The following MYT1L variants were observed in gnomAD, a reference collection of about 807,000 sequenced individuals.
MYT1L encodes the protein myelin transcription factor 1 like.
In MYT1L, 12 loss-of-function variants were observed where a neutral mutation model predicts 126.7. The ratio of observed to expected loss-of-function variants is 0.09; its 90% CI spans 0.06 to 0.15. The LOEUF (loss-of-function observed/expected upper bound fraction) is 0.15. Ranked by LOEUF, MYT1L falls within the 10% of genes least tolerant of loss-of-function variation. The pLI is 1.00. For synonymous variants in MYT1L, 541 were observed against 604.2 expected, an observed-to-expected ratio of 0.90 and a Z score of 1.53; for missense variants, 979 against 1,585.2, an observed-to-expected ratio of 0.62 and a Z score of 6.49.
chr2:2,327,736 A>G (rs1297341225), intron 1 of MYT1L, among the ~76,000 whole-genome samples: 1 of 152,226 alleles, frequency 6.6e-6, no homozygotes, highest in Non-Finnish European at 1.5e-5. Flanking sequence ...TAAAAGGGAC[A>G]CCCAGCCAAA....
intron 3 of MYT1L, among the ~76,000 whole-genome samples, chr2:2,084,453 T>C (rs1045108463): frequency 3.9e-5 from 6 of 152,218 alleles, no homozygotes; most frequent in Non-Finnish European, 5.9e-5. Context: ...AGAGCTCCCC[T>C]GCAGGTCCTC....
At chr2:2,159,314 G>A (rs577720864) in intron 3 of MYT1L, among the ~76,000 whole-genome samples, 19 of 152,062 alleles carry the variant, frequency 1.2e-4, no homozygotes, top group East Asian at 5.8e-4. Flanking sequence ...TGGTCTCTTC[G>A]GGGTCCTCAA....
intron 3 of MYT1L, among the ~76,000 whole-genome samples, chr2:2,112,138 G>A (rs949741495): frequency 1.3e-5 from 2 of 152,152 alleles, no homozygotes; most frequent in Admixed American, 6.5e-5. Context: ...GCTCCTCAGC[G>A]TGATTAAGAT....
intron 5 of MYT1L, among the ~76,000 whole-genome samples, chr2:1,995,165 T>A (rs993785759): frequency 6.6e-6 from 1 of 152,212 alleles, no homozygotes; most frequent in Admixed American, 6.5e-5. Flanking sequence ...CTTTCAGGCA[T>A]CTATTTTATC....
At chr2:2,020,658 T>G (rs1446364204) in intron 4 of MYT1L, among the ~76,000 whole-genome samples, 2 of 152,230 alleles carry the variant, frequency 1.3e-5, no homozygotes, top group African/African-American at 4.8e-5. Flanking sequence ...CTGCTGGTCT[T>G]TTGGCTTTGT....
At chr2:2,164,216 T>C (rs2088605884) in intron 3 of MYT1L, among the ~76,000 whole-genome samples, 1 of 152,178 alleles carries the variant, frequency 6.6e-6, no homozygotes, top group African/African-American at 2.4e-5. Context: ...TGTTTTTCAT[T>C]GTGTTTTTTT....
chr2:2,105,442 G>A (rs765989365), intron 3 of MYT1L, among the ~76,000 whole-genome samples: 41 of 152,150 alleles, frequency 2.7e-4, no homozygotes, highest in Non-Finnish European at 4.3e-4. Flanking sequence ...TTATTATTGT[G>A]AACTTTGTAG....
At chr2:2,058,159 G>T (rs1190802901) in intron 3 of MYT1L, among the ~76,000 whole-genome samples, 1 of 152,138 alleles carries the variant, frequency 6.6e-6, no homozygotes, top group South Asian at 2.1e-4. Flanking sequence ...GCTCATCATG[G>T]TTTTAACTGG....
chr2:2,306,894 G>T (rs1237427689), intron 1 of MYT1L, among the ~76,000 whole-genome samples: 1 of 152,104 alleles, frequency 6.6e-6, no homozygotes, highest in Non-Finnish European at 1.5e-5. Flanking sequence ...ATCAATGCAA[G>T]GTAGACAATG....
At chr2:2,156,951 TC>T (rs2086829487) in intron 3 of MYT1L, among the ~76,000 whole-genome samples, 1 of 152,224 alleles carries the variant, frequency 6.6e-6, no homozygotes, top group African/African-American at 2.4e-5. Flanking sequence ...GTTTTTGTTT[TC>T]CATTTGTTTC....
At chr2:1,850,355 T>C (rs73184868) in intron 19 of MYT1L, among the ~76,000 whole-genome samples, 14,418 of 152,012 alleles carry the variant, frequency 0.095, 903 homozygotes, top group African/African-American at 0.17. Flanking sequence ...TTTAGAGAGC[T>C]GAAAGGGAGC....
rs2094063350 is a variant in MYT1L, at chr2:2,228,174, A to G, written c.-420-55186T>C. ...TCATCAGTATAATCATTACCTACAT[A>G]AAAGACAGGGCAAGGGGGTGATTCT... On this transcript the variant is annotated intron_variant, in intron 2 of 24. Transcript: ENST00000647738. The surrounding 1 kb of genome is among the most constrained non-coding windows in gnomAD (Gnocchi z 5.9). Among the ~76,000 whole-genome samples the G allele has an allele frequency of 6.6e-6, 1 of 152,202 alleles. No individual in the cohort carries two copies. The highest frequency in any genetic ancestry group is 2.4e-5 in the African/African-American group (1 of 41,452).
intron 3 of MYT1L, among the ~76,000 whole-genome samples, chr2:2,081,191 A>G (rs1456429457): frequency 6.6e-6 from 1 of 152,216 alleles, no homozygotes; most frequent in Non-Finnish European, 1.5e-5. Flanking sequence ...GGGTAAAAAT[A>G]TGGACTTCCA....
In MYT1L at chr2:2,247,121, C is replaced by G. The variant is rs575717350; in HGVS notation, c.-421+37283G>C. 2.6e-5 allele frequency among the ~76,000 whole-genome samples: 4 copies of G among 152,052 alleles called. No individual in the cohort carries two copies. The South Asian group carries it at 8.3e-4, about 32-fold the overall frequency. On this transcript the variant is annotated intron_variant, in intron 2 of 24. Transcript: ENST00000647738. ...GGCTGAATGGATGGAAAAACAAGAC[C>G]CAACGATCTGTTCCCTACAAGAAAC...
intron 2 of MYT1L, among the ~76,000 whole-genome samples, chr2:2,243,032 T>C (rs1465996791): frequency 4.6e-5 from 7 of 152,058 alleles, no homozygotes; most frequent in Non-Finnish European, 7.4e-5. Context: ...AATAGGAGGA[T>C]GGATGGCTAT....
chr2:2,230,281 G>T (rs1402001628), intron 2 of MYT1L, among the ~76,000 whole-genome samples: 1 of 152,242 alleles, frequency 6.6e-6, no homozygotes, highest in African/African-American at 2.4e-5. Context: ...AGTGCTCGGT[G>T]AACTCATCCC....
chr2:1,976,110 T>G (rs1461964772), intron 8 of MYT1L, among the ~76,000 whole-genome samples: 1 of 115,222 alleles, frequency 8.7e-6, no homozygotes, highest in African/African-American at 4.6e-5. Flanking sequence ...ACATTTATTG[T>G]TAAAAGACCA....
chr2:1,836,338 A>G (rs2040877118), intron 21 of MYT1L, among the ~76,000 whole-genome samples: 1 of 136,660 alleles, frequency 7.3e-6, no homozygotes, highest in Non-Finnish European at 1.5e-5. Flanking sequence ...GCACTCCAAG[A>G]TTCCATCAAT....
At chr2:1,994,901 T>C (rs1292671734) in intron 5 of MYT1L, among the ~76,000 whole-genome samples, 1 of 152,186 alleles carries the variant, frequency 6.6e-6, no homozygotes, top group Admixed American at 6.5e-5. Flanking sequence ...ATTCTACTTA[T>C]TTTTTAGGGG....
Sources: gnomAD v4.1 joint callset for allele counts (sites outside exome capture counted in the v4.1 genomes callset) on GRCh38, gnomAD v4.1.1 for gene constraint, Gnocchi (gnomAD v3.1) non-coding constraint, MANE v1.5 for transcripts, NCBI Gene and HGNC (gene_info 2026-07-23, HGNC 2026-07-21) for gene names.